Variants in CFAP46 observed in about 807,000 individuals in gnomAD.
CFAP46 encodes the protein cilia- and flagella-associated protein 46.
In CFAP46, 245 loss-of-function variants were observed where a neutral mutation model predicts 325.7. That is an observed-to-expected ratio of 0.75 (90% CI 0.68 to 0.84). The LOEUF is 0.84. CFAP46 is among the 40% of genes least tolerant of loss of function. The probability of loss-of-function intolerance (pLI) is 0.00; values close to 1 mark genes in which losing one functional copy is unlikely to be tolerated. For synonymous variants in CFAP46, 1,523 were observed against 1,495.9 expected, an observed-to-expected ratio of 1.02 and a Z score of -0.42; for missense variants, 3,346 against 3,543.0, an observed-to-expected ratio of 0.94 and a Z score of 1.41.
chr10:132,824,155 TGTGTGCTGTGTGCTGTGTGAGC>T (rs1406491120), intron 50 of CFAP46, among the ~76,000 whole-genome samples: 1 of 139,484 alleles, frequency 7.2e-6, no homozygotes, highest in African/African-American at 2.7e-5. Context: ...GTGTGCTGTG[TGTGTGCTGTGTGCTGTGTGAGC>T]GCTGATGTGT....
chr10:132,907,677 C>T (rs997436530), intron 22 of CFAP46, among the ~76,000 whole-genome samples: 1 of 152,168 alleles, frequency 6.6e-6, no homozygotes, highest in African/African-American at 2.4e-5. Context: ...GCGGAGTGTC[C>T]GTGTCCCCTC....
chr10:132,918,644 G>T, intron 15 of CFAP46, 124 bp from the exon 16 acceptor site: 1 of 1,289,474 alleles, frequency 7.8e-7, no homozygotes, highest in Admixed American at 3.0e-5. Flanking sequence ...GTCCGCCAAG[G>T]TGGGCGGGTA....
At chr10:132,936,783 G>A (rs1850014811) in intron 7 of CFAP46, among the ~76,000 whole-genome samples, 178 bp downstream of exon 7, 1 of 152,106 alleles carries the variant, frequency 6.6e-6, no homozygotes, top group Non-Finnish European at 1.5e-5. Flanking sequence ...GAATTGGGGT[G>A]GCCTTCGGAT....
intron 9 of CFAP46, among the ~76,000 whole-genome samples, chr10:132,928,959 T>C (rs982732044): frequency 1.3e-5 from 2 of 152,202 alleles, no homozygotes; most frequent in African/African-American, 4.8e-5. Flanking sequence ...AATATACTCA[T>C]CTTAGGGAAA....
rs1159616843 is a variant in CFAP46, at chr10:132,941,991, G to C, written c.163C>G (p.Gln55Glu). 1 of 1,551,874 alleles carries C rather than the reference G, an allele frequency of 6.4e-7. No homozygotes were observed. Among genetic ancestry groups the C allele is most frequent in the Non-Finnish European group, 8.7e-7 (1 of 1,147,054 alleles). ...SPDLFVLCAE[Q>E]ALKMRQPEVS... ...CGGGAACTAGTTACCTTCAGGGCCT[G>C]CTCTGCACACAGAACAAACAGGTCT... is the stretch of plus-strand genomic sequence containing the variant. The change falls in exon 2 of 58, where the codon CAG (glutamine) becomes GAG (glutamate). Residue 55 changes from glutamine to glutamate, a missense_variant. By Grantham distance (29) the Gln-to-Glu change is conservative. Coordinates refer to ENST00000368586, the MANE Select transcript of CFAP46 (RefSeq NM_001200049.3).
In CFAP46 at chr10:132,899,723, C is replaced by T. The variant is rs1200375424; in HGVS notation, c.2925-57G>A. ...CACTGTGGCCCACCTTGGGTCCTCC[C>T]TCCCTGGGTCACTGTCTTGAACTGT... On this transcript the variant is annotated intron_variant, in intron 22 of 57. Coordinates refer to ENST00000368586, the MANE Select transcript of CFAP46 (RefSeq NM_001200049.3). 2.0e-6 allele frequency: 3 copies of T among 1,509,814 alleles called. No individual in the cohort carries two copies. In the African/African-American group the frequency reaches 4.2e-5, roughly 21 times the overall value. The allele number at this position is 1,509,814 out of a possible 1,614,324, so 93.5% of individuals were successfully genotyped here.
At chr10:132,816,072 G>A (rs1266818324) in intron 50 of CFAP46, among the ~76,000 whole-genome samples, 1 of 152,202 alleles carries the variant, frequency 6.6e-6, no homozygotes, top group Non-Finnish European at 1.5e-5. Context: ...ACTCAGGTTT[G>A]CTTTCTTCCT....
At position 132,846,119 on chromosome 10, in the gene CFAP46, G is replaced by A. The variant is rs1330290160; in HGVS notation, c.6376C>T (p.Gln2126Ter). The stretch of plus-strand genomic sequence containing the variant: ...CCCAGGCTGGTGGTGGTCCTGTCTT[G>A]GCACCGGAGCTGGTGCTGTAGCTGC... ...LLQLQHQLRCQDRTTTSLGAR... is the reference protein window; with the variant it reads ...LLQLQHQLRC Residue 2126 changes from glutamine (Q) to a stop codon, truncating the protein, a stop_gained, in exon 44 of 58, where the codon CAA becomes TAA. Transcript: ENST00000368586. LOFTEE classifies it high-confidence loss of function. 6.2e-7 allele frequency: 1 copy of A among 1,609,358 alleles called. No individual in the cohort carries two copies. The highest frequency in any genetic ancestry group is 8.5e-7 in the Non-Finnish European group (1 of 1,179,344).
chr10:132,898,512 C>T (rs1849347250), intron 24 of CFAP46: 3 of 313,968 alleles, frequency 9.6e-6, no homozygotes, highest in Non-Finnish European at 1.9e-5. Context: ...GGGGGCTCCA[C>T]TCCCCGCCAC....
Position 132,870,725 on chromosome 10 carries a change from C to T in CFAP46, c.4512-1353G>A, listed in dbSNP as rs563763007. The stretch of plus-strand genomic sequence containing the variant: ...AAGTTTGAAGCGGCAGAGGTGGGCT[C>T]GTGAGGTTTCTGGACAGAAGCTGTC... On this transcript the variant is annotated intron_variant, in intron 32 of 57. Transcript: ENST00000368586. 2.6e-4 allele frequency among the ~76,000 whole-genome samples: 39 copies of T among 152,236 alleles called. No homozygotes were observed. In the South Asian group the frequency reaches 2.9e-3, roughly 11 times the overall value.
intron 7 of CFAP46, 56 bp downstream of exon 7, chr10:132,936,905 C>T (rs1591102114): frequency 5.2e-6 from 6 of 1,147,706 alleles, no homozygotes; most frequent in Non-Finnish European, 7.3e-6. Flanking sequence ...ACAGAGCTCT[C>T]CCAAGCCCAG....
chr10:132,867,287 C>G, intron 34 of CFAP46, 88 bp downstream of exon 34: 1 of 1,479,714 alleles, frequency 6.8e-7, no homozygotes, highest in African/African-American at 1.4e-5. Flanking sequence ...ACAGGCCGGC[C>G]GCCTGGCTCA....
rs532634093 is a variant in CFAP46 at position 132,814,084 on chromosome 10, C to T, written c.7388+68G>A. The T allele has an allele frequency of 3.2e-6, 4 of 1,253,356 alleles. No homozygotes were observed. The African/African-American group carries it at 5.9e-5, about 19-fold the overall frequency. The allele number at this position is 1,253,356 out of a possible 1,614,324, so 77.6% of individuals were successfully genotyped here. On this transcript the variant is annotated intron_variant, in intron 54 of 57. Coordinates refer to ENST00000368586, the MANE Select transcript of CFAP46 (RefSeq NM_001200049.3). ...GACCCAGGGAGCCGGGGGTAGGGGG[C>T]AGTGGCTCCCCGCTGGACCCCCAGA...
chr10:132,941,480 C>T, intron 3 of CFAP46, 111 bp downstream of exon 3: 1 of 1,399,022 alleles, frequency 7.1e-7, no homozygotes, highest in Non-Finnish European at 9.7e-7. Flanking sequence ...AAAGGAATTC[C>T]TTCACTCTAC....
intron 29 of CFAP46, among the ~76,000 whole-genome samples, chr10:132,878,821 G>C (rs1848995253): frequency 6.6e-6 from 1 of 152,212 alleles, no homozygotes; most frequent in Non-Finnish European, 1.5e-5. Context: ...CTCATCCTCA[G>C]AAGAAAGGCC....
Position 132,880,907 on chromosome 10 carries a change from G to A in CFAP46, c.3753C>T (p.Ala1251=). ...CAGGGACATCGCCGGGCGGCTTCAT[G>A]GCCAGCAGGATCTCGACAGCCCAGC... The part of the protein sequence containing the change: ...HLRWAVEILL[A]MKPPGDVPEP... The change falls in exon 28 of 58, where the codon GCC becomes GCT. Residue 1251 remains alanine (A), a synonymous_variant. Coordinates refer to ENST00000368586, the MANE Select transcript of CFAP46 (RefSeq NM_001200049.3). 6.5e-7 allele frequency: 1 copy of A among 1,550,304 alleles called. No individual in the cohort carries two copies. Among genetic ancestry groups the A allele is most frequent in the East Asian group, 2.4e-5 (1 of 40,910 alleles).
intron 50 of CFAP46, among the ~76,000 whole-genome samples, chr10:132,822,021 CTGTG>C (rs148900212): frequency 1.7e-5 from 2 of 118,216 alleles, no homozygotes; most frequent in African/African-American, 7.1e-5. Flanking sequence ...CTGATGTGTG[CTGTG>C]TGAGTGCTGA....
At chr10:132,929,327 C>A in intron 9 of CFAP46, 1 of 609,844 alleles carries the variant, frequency 1.6e-6, no homozygotes. Flanking sequence ...AGGTAACAAA[C>A]TGCAGAAAGT....
intron 39 of CFAP46, among the ~76,000 whole-genome samples, chr10:132,856,160 C>G (rs1273506476): frequency 6.6e-6 from 1 of 152,242 alleles, no homozygotes; most frequent in Non-Finnish European, 1.5e-5. Context: ...GCGCTGGGCT[C>G]TCAGCTACAC....
Sources: gnomAD v4.1 joint callset for allele counts (sites outside exome capture counted in the v4.1 genomes callset) on GRCh38, gnomAD v4.1.1 for gene constraint, MANE v1.5 for transcripts, NCBI Gene and HGNC (gene_info 2026-07-23, HGNC 2026-07-21) for gene names.